QTMAN: variants seen among roughly 807,000 people sequenced by gnomAD.
QTMAN encodes the protein queuosine-tRNA mannosyltransferase, also known as tRNA-queuosine alpha-mannosyltransferase.
At chr2:144,007,804 A>G in the QTMAN span, among the ~76,000 whole-genome samples, 1 of 152,060 alleles carries the variant, frequency 6.6e-6, no homozygotes, top group Non-Finnish European at 1.5e-5. Context: ...ATAAGATTAC[A>G]GAGATGGTTT....
At chr2:144,092,358 G>T in the QTMAN span, among the ~76,000 whole-genome samples, 1 of 151,110 alleles carries the variant, frequency 6.6e-6, no homozygotes, top group Non-Finnish European at 1.5e-5. Context: ...TGTACTTTTA[G>T]TAGAGACAGG....
chr2:144,296,397 T>C, the QTMAN span, among the ~76,000 whole-genome samples: 1 of 152,198 alleles, frequency 6.6e-6, no homozygotes, highest in Non-Finnish European at 1.5e-5. Context: ...ATGTATATAA[T>C]GTATACAGGG....
chr2:144,272,895 T>C, the QTMAN span, among the ~76,000 whole-genome samples: 1 of 152,258 alleles, frequency 6.6e-6, no homozygotes, highest in East Asian at 1.9e-4. Flanking sequence ...TGCATGAAAT[T>C]TGAGAAACAG....
chr2:144,159,291 T>C, the QTMAN span, among the ~76,000 whole-genome samples: 1 of 152,046 alleles, frequency 6.6e-6, no homozygotes, highest in East Asian at 1.9e-4. Flanking sequence ...CAACACATAT[T>C]CCTGCATGTT....
the QTMAN span, among the ~76,000 whole-genome samples, chr2:144,257,199 A>G: frequency 6.6e-6 from 1 of 152,062 alleles, no homozygotes; most frequent in East Asian, 1.9e-4. Flanking sequence ...ATTATGCAAT[A>G]TCTGGAATCA....
chr2:144,066,960 C>T, the QTMAN span, among the ~76,000 whole-genome samples: 3 of 152,298 alleles, frequency 2.0e-5, no homozygotes, highest in East Asian at 3.9e-4. Flanking sequence ...TCTTTGACGC[C>T]TATTTATTTT....
the QTMAN span, among the ~76,000 whole-genome samples, chr2:144,265,898 T>G: frequency 6.6e-6 from 1 of 152,102 alleles, no homozygotes. Context: ...GAGTGGAGAA[T>G]CCAGTTTGAC....
At chr2:144,186,152 C>G in the QTMAN span, among the ~76,000 whole-genome samples, 1 of 152,158 alleles carries the variant, frequency 6.6e-6, no homozygotes, top group Non-Finnish European at 1.5e-5. Context: ...CTGAGTTTCT[C>G]CTTCTGCCTT....
chr2:144,033,993 T>A, the QTMAN span, among the ~76,000 whole-genome samples: 2 of 152,174 alleles, frequency 1.3e-5, no homozygotes, highest in Non-Finnish European at 2.9e-5. Context: ...GGGTGCAGAA[T>A]AAAGCTGAGA....
At chr2:144,171,807 A>C in the QTMAN span, among the ~76,000 whole-genome samples, 1 of 152,260 alleles carries the variant, frequency 6.6e-6, no homozygotes, top group South Asian at 2.1e-4. Context: ...TTATGGAACG[A>C]AGCCATTAGA....
the QTMAN span, among the ~76,000 whole-genome samples, chr2:144,264,317 A>C: frequency 6.6e-6 from 1 of 152,190 alleles, no homozygotes; most frequent in Admixed American, 6.6e-5. Flanking sequence ...AATTGAATTG[A>C]GAATACTTTG....
At chr2:144,273,630 C>A in the QTMAN span, among the ~76,000 whole-genome samples, 1 of 152,102 alleles carries the variant, frequency 6.6e-6, no homozygotes, top group Non-Finnish European at 1.5e-5. Context: ...CAAGAACACA[C>A]ACCAATGCTG....
At chr2:144,208,148 T>C in the QTMAN span, among the ~76,000 whole-genome samples, 151,616 of 152,260 alleles carry the variant, frequency 1, 75,492 homozygotes, top group East Asian at 1. Context: ...ACAAAGCCAC[T>C]TCCAGTTTGT....
At chr2:144,010,999 C>A in the QTMAN span, among the ~76,000 whole-genome samples, 1 of 152,042 alleles carries the variant, frequency 6.6e-6, no homozygotes, top group Non-Finnish European at 1.5e-5. Flanking sequence ...TAGAACTGGA[C>A]AAGCTACCAA....
the QTMAN span, among the ~76,000 whole-genome samples, chr2:143,984,610 C>G: frequency 6.6e-6 from 1 of 152,166 alleles, no homozygotes; most frequent in Non-Finnish European, 1.5e-5. Context: ...TAAGAACTAC[C>G]CCTGTTTTCC....
At chr2:144,253,859 A>C in the QTMAN span, among the ~76,000 whole-genome samples, 1 of 152,196 alleles carries the variant, frequency 6.6e-6, no homozygotes, top group Non-Finnish European at 1.5e-5. Context: ...ACAGGGGAAA[A>C]TGTCTCCAGG....
At chr2:143,954,937 T>A in the QTMAN span, among the ~76,000 whole-genome samples, 1 of 152,212 alleles carries the variant, frequency 6.6e-6, no homozygotes, top group Admixed American at 6.5e-5. Context: ...AATATTCAGA[T>A]CTATTCACTT....
chr2:144,144,950 G>C, the QTMAN span, among the ~76,000 whole-genome samples: 3 of 151,668 alleles, frequency 2.0e-5, no homozygotes, highest in African/African-American at 7.3e-5. Flanking sequence ...CATTAACTAA[G>C]CTTCAGGAGA....
the QTMAN span, among the ~76,000 whole-genome samples, chr2:144,263,067 C>T: frequency 2.0e-5 from 3 of 151,350 alleles, no homozygotes; most frequent in African/African-American, 7.3e-5. Context: ...CCATGGCTCA[C>T]GACCCATATC....
Sources: gnomAD v4.1 joint callset for allele counts (sites outside exome capture counted in the v4.1 genomes callset) on GRCh38, gnomAD v4.1.1 for gene constraint, MANE v1.5 for transcripts, NCBI Gene and HGNC (gene_info 2026-07-23, HGNC 2026-07-21) for gene names.